PAK3: variants seen among roughly 807,000 people sequenced by gnomAD.
PAK3 encodes p21 (RAC1) activated kinase 3.
Under a neutral mutation model 41.0 loss-of-function variants are expected in PAK3, and 4 were observed. That is an observed-to-expected ratio of 0.10 (90% CI 0.05 to 0.22). The LOEUF is 0.22. Among genes scored for constraint, PAK3 ranks in the 10% least tolerant of loss-of-function variants. The pLI is 1.00. For missense variants in PAK3, 205 were observed against 409.9 expected, an observed-to-expected ratio of 0.50 and a Z score of 4.32; for synonymous variants, 146 against 139.6, an observed-to-expected ratio of 1.05 and a Z score of -0.32.
chrX:111,175,746 CA>C (rs1311464189), intron 11 of PAK3, among the ~76,000 whole-genome samples: 4 of 111,669 alleles, frequency 3.6e-5, no homozygotes, highest in Non-Finnish European at 1.9e-5. Flanking sequence ...TTGCCAAGAA[CA>C]AAGATCAGGC....
intron 1 of PAK3, among the ~76,000 whole-genome samples, chrX:111,004,994 C>G (rs770039369): frequency 1.8e-5 from 2 of 112,309 alleles, no homozygotes; most frequent in Admixed American, 9.4e-5. Context: ...TCTGTTAAAG[C>G]AATCCATCTG....
intron 5 of PAK3, among the ~76,000 whole-genome samples, chrX:111,127,625 A>G (rs2093665962): frequency 9.0e-6 from 1 of 110,730 alleles, no homozygotes; most frequent in African/African-American, 3.3e-5. Flanking sequence ...TCCTAACCAT[A>G]TGGGTTGATT....
chrX:111,028,027 G>GTGTATATATATACATATATA (rs57456281), intron 1 of PAK3, among the ~76,000 whole-genome samples: 4 of 97,876 alleles, frequency 4.1e-5, no homozygotes, highest in Non-Finnish European at 8.0e-5. Flanking sequence ...ACATATATAT[G>GTGTATATATATACATATATA]TGTGTATATA....
rs192532136 is a variant in PAK3 at position 110,959,352 on chromosome X, T to C, written c.-28+14724T>C. Among the ~76,000 whole-genome samples the C allele has an allele frequency of 1.7e-3, 188 of 111,929 alleles. 4 individuals are homozygous for C. In the East Asian group the frequency reaches 0.046, roughly 27 times the overall value. ...TGCCACTACCCCAAATGTAAGTTCC[T>C]TTCCTCTCCTAGGGATTTTCATCCT... is the stretch of plus-strand genomic sequence containing the variant. On this transcript the variant is annotated intron_variant, in intron 1 of 14. Transcript: ENST00000425146.
intron 14 of PAK3, among the ~76,000 whole-genome samples, chrX:111,194,698 T>A (rs2094594837): frequency 8.9e-6 from 1 of 112,242 alleles, no homozygotes; most frequent in South Asian, 3.7e-4. Flanking sequence ...GTAGTTTCCG[T>A]GAACATGGGA....
chrX:111,045,707 T>C (rs978950292), intron 1 of PAK3, among the ~76,000 whole-genome samples: 1 of 111,957 alleles, frequency 8.9e-6, no homozygotes, highest in African/African-American at 3.2e-5. Context: ...GGCTCTGTTG[T>C]CCTGAGCAAC....
chrX:111,044,583 C>T (rs778755691), intron 1 of PAK3, among the ~76,000 whole-genome samples: 12 of 111,969 alleles, frequency 1.1e-4, no homozygotes, highest in African/African-American at 3.9e-4. Flanking sequence ...TGATCAACAG[C>T]AAACACAGGT....
rs189748437 is a variant in PAK3, at chrX:111,152,450, A to G, written c.468+3A>G. 2 of 1,154,087 alleles carry G rather than the reference A, an allele frequency of 1.7e-6. No individual in the cohort carries two copies. The highest frequency in any genetic ancestry group is 4.4e-5 in the Admixed American group (2 of 45,700). On this transcript the variant is annotated splice_donor_region_variant and intron_variant, in intron 8 of 17. Transcript: ENST00000372007. The stretch of plus-strand genomic sequence containing the variant: ...GATACATAGCAGCCCATCCTTCGGT[A>G]AGTGAAAAATTGAAAACTGTTTCAC...
intron 17 of PAK3, among the ~76,000 whole-genome samples, chrX:111,218,005 T>A (rs1294255240): frequency 8.9e-6 from 1 of 112,581 alleles, no homozygotes; most frequent in Non-Finnish European, 1.9e-5. Flanking sequence ...CAAAATTGTA[T>A]TTTGAGTCTA....
intron 7 of PAK3, among the ~76,000 whole-genome samples, chrX:111,148,912 A>C (rs2093988486): frequency 9.0e-6 from 1 of 110,891 alleles, no homozygotes; most frequent in African/African-American, 3.3e-5. Flanking sequence ...CAAAGTCTTA[A>C]CTCATTTCAG....
chrX:111,061,057 A>C (rs947108034), intron 1 of PAK3, among the ~76,000 whole-genome samples: 15 of 111,388 alleles, frequency 1.3e-4, no homozygotes, highest in African/African-American at 3.6e-4. Context: ...TGTGTTGATC[A>C]TCTTTGTCTT....
chrX:111,089,592 A>G (rs1282831345), intron 1 of PAK3, among the ~76,000 whole-genome samples: 3 of 111,215 alleles, frequency 2.7e-5, no homozygotes, highest in Non-Finnish European at 5.7e-5. Flanking sequence ...ATCATTGGGT[A>G]GGGAAAGGAG....
chrX:110,987,146 G>A (rs1402888167), intron 1 of PAK3, among the ~76,000 whole-genome samples: 1 of 112,232 alleles, frequency 8.9e-6, no homozygotes, highest in African/African-American at 3.2e-5. Context: ...TGCTTCACTA[G>A]TGGCTGGTGG....
chrX:111,019,790 T>C (rs2092150389), intron 1 of PAK3, among the ~76,000 whole-genome samples: 1 of 108,243 alleles, frequency 9.2e-6, no homozygotes, highest in African/African-American at 3.4e-5. Flanking sequence ...TATATACACA[T>C]GAAAAGGTGC....
At chrX:111,090,814 A>T (rs2092924150) in intron 1 of PAK3, among the ~76,000 whole-genome samples, 1 of 112,465 alleles carries the variant, frequency 8.9e-6, no homozygotes, top group Admixed American at 9.4e-5. Flanking sequence ...TACTTCCTTC[A>T]TTCTTTATCC....
intron 16 of PAK3, among the ~76,000 whole-genome samples, chrX:111,213,405 A>G (rs1448411827): frequency 8.9e-6 from 1 of 112,223 alleles, no homozygotes; most frequent in Non-Finnish European, 1.9e-5. Context: ...TTGGATTCAT[A>G]AATGGAATGG....
intron 11 of PAK3, among the ~76,000 whole-genome samples, chrX:111,183,036 C>T (rs1273050330): frequency 1.8e-5 from 2 of 111,767 alleles, no homozygotes; most frequent in Admixed American, 1.9e-4. Context: ...TGGGAAGTAC[C>T]ACACTTGCAC....
intron 10 of PAK3, among the ~76,000 whole-genome samples, chrX:111,165,636 C>T (rs2094245331): frequency 8.9e-6 from 1 of 112,476 alleles, no homozygotes. Flanking sequence ...ATTATTCAGA[C>T]AATTGGCACG....
intron 1 of PAK3, among the ~76,000 whole-genome samples, chrX:111,068,457 G>A (rs748871757): frequency 2.7e-5 from 3 of 111,519 alleles, no homozygotes; most frequent in Non-Finnish European, 5.7e-5. Flanking sequence ...GTGCCACCAC[G>A]CTGGCTAATT....
Sources: gnomAD v4.1 joint callset for allele counts (sites outside exome capture counted in the v4.1 genomes callset) on GRCh38, gnomAD v4.1.1 for gene constraint, MANE v1.5 for transcripts, NCBI Gene and HGNC (gene_info 2026-07-23, HGNC 2026-07-21) for gene names.